Variants in NTNG1 observed in about 807,000 individuals in gnomAD.
The protein encoded by NTNG1 is netrin-G1.
A neutral mutation model predicts 54.0 loss-of-function variants in NTNG1; 16 were observed. That is an observed-to-expected ratio of 0.30 (90% CI 0.20 to 0.45). The LOEUF is 0.45. NTNG1 is among the 20% of genes least tolerant of loss of function. The pLI, the probability that NTNG1 is intolerant of heterozygous loss-of-function variation, is 1.00. For missense variants in NTNG1, 530 were observed against 678.7 expected (o/e 0.78, Z 2.43); for synonymous variants, 255 against 263.1 (o/e 0.97, Z 0.30).
chr1:107,220,638 C>A (rs1205453850), intron 2 of NTNG1, among the ~76,000 whole-genome samples: 2 of 152,190 alleles, frequency 1.3e-5, no homozygotes, highest in Non-Finnish European at 2.9e-5. Context: ...CTCTGTCAGC[C>A]TCAGTTTCCT....
chr1:107,432,384 T>C (rs557494990), intron 6 of NTNG1, among the ~76,000 whole-genome samples: 1 of 152,354 alleles, frequency 6.6e-6, no homozygotes, highest in Admixed American at 6.5e-5. Context: ...AAAGGGTTTC[T>C]GACTTCAAAG....
chr1:107,403,423 A>C (rs1673173657), intron 4 of NTNG1, among the ~76,000 whole-genome samples: 1 of 152,036 alleles, frequency 6.6e-6, no homozygotes, highest in Admixed American at 6.6e-5. Context: ...AAACTCATGC[A>C]CTGGGGCTGA....
rs1661760044 is a variant in NTNG1 at position 107,240,572 on chromosome 1, A to G, written c.247-83710A>G. The stretch of plus-strand genomic sequence containing the variant: ...TGCTGCAGCAGTCATTTGATGTTGT[A>G]ATATCAGTTTTGCCAAAAAATGTGC... On this transcript the variant is annotated intron_variant, in intron 2 of 7. Transcript: ENST00000370068. Among the ~76,000 whole-genome samples, 2 of 152,270 alleles carry G rather than the reference A, an allele frequency of 1.3e-5. 1 individual carries two copies. Among genetic ancestry groups the G allele is most frequent in the African/African-American group, 4.8e-5 (2 of 41,564 alleles).
intron 2 of NTNG1, among the ~76,000 whole-genome samples, chr1:107,160,162 G>T (rs1019217851): frequency 3.3e-5 from 5 of 152,094 alleles, no homozygotes; most frequent in Non-Finnish European, 5.9e-5. Context: ...CTAGTAGGCA[G>T]TTTAAACTTA....
intron 2 of NTNG1, among the ~76,000 whole-genome samples, chr1:107,171,998 C>T (rs1236345816): frequency 6.6e-6 from 1 of 151,586 alleles, no homozygotes; most frequent in Non-Finnish European, 1.5e-5. Context: ...GAAATGTTAA[C>T]TTACTTTTAG....
rs115049052 is a variant in NTNG1, at chr1:107,442,532, G to A, written c.1390+5733G>A. Reference sequence around the variant, plus strand: ...GTTGCAAATTTAGGCTAAATAATTTGCAAAAATGCAGATGGTATAAGGCTG... The same window carrying A: ...GTTGCAAATTTAGGCTAAATAATTTACAAAAATGCAGATGGTATAAGGCTG... On this transcript the variant is annotated intron_variant, in intron 7 of 7. Coordinates refer to ENST00000370068, the MANE Select transcript of NTNG1 (RefSeq NM_001113226.3). Among the ~76,000 whole-genome samples, 661 of 152,216 alleles carry A rather than the reference G, an allele frequency of 4.3e-3. 9 individuals carry two copies. Among genetic ancestry groups the A allele is most frequent in the African/African-American group, 0.015 (634 of 41,540 alleles).
intron 2 of NTNG1, among the ~76,000 whole-genome samples, chr1:107,266,403 A>T (rs1048074830): frequency 6.6e-6 from 1 of 152,150 alleles, no homozygotes; most frequent in Non-Finnish European, 1.5e-5. Flanking sequence ...TGATTCAGGC[A>T]TGTCTTACAT....
At chr1:107,406,432 T>C (rs1445826997) in intron 4 of NTNG1, among the ~76,000 whole-genome samples, 1 of 152,136 alleles carries the variant, frequency 6.6e-6, no homozygotes, top group African/African-American at 2.4e-5. Flanking sequence ...TTTTTATGGA[T>C]TATCTCATTC....
At chr1:107,420,893 C>T (rs1042669465) in intron 5 of NTNG1, among the ~76,000 whole-genome samples, 2 of 151,970 alleles carry the variant, frequency 1.3e-5, no homozygotes, top group South Asian at 2.1e-4. Flanking sequence ...AATTGTATTA[C>T]TGACAATGTT....
intron 2 of NTNG1, among the ~76,000 whole-genome samples, chr1:107,316,754 C>T (rs565729782): frequency 1.6e-4 from 24 of 152,298 alleles, no homozygotes; most frequent in African/African-American, 5.1e-4. Flanking sequence ...ATTTGAGAAA[C>T]AGGTGATTGT....
In NTNG1 at chr1:107,472,728, T is replaced by G. The variant is rs187524985; in HGVS notation, c.1391-7883T>G. Among the ~76,000 whole-genome samples, 411 of 152,244 alleles carry G rather than the reference T, an allele frequency of 2.7e-3. 3 individuals are homozygous for G. Among genetic ancestry groups the G allele is most frequent in the African/African-American group, 9.3e-3 (387 of 41,558 alleles). ...AAGGTCGGGGAAGAAAAAAGGTTTT[T>G]TTTTGTTTTGTTTTGTTTTTTTGTG... On this transcript the variant is annotated intron_variant, in intron 7 of 7. Transcript: ENST00000370068.
At chr1:107,480,588 C>CCA in intron 7 of NTNG1, 23 bp from the exon 8 acceptor site, 4 of 1,119,748 alleles carry the variant, frequency 3.6e-6, no homozygotes, top group Non-Finnish European at 5.2e-6. Flanking sequence ...CCACCCACCC[C>CCA]TACCTTCCCC....
rs139522819 is a variant in NTNG1 at position 107,279,742 on chromosome 1, C to T, written c.247-44540C>T. Reference sequence around the variant, plus strand: ...TTGGAATATAATTCTGGGTAGAAAACAGTATTTCCTTGGCATTTTTAAAGC... The same window carrying T: ...TTGGAATATAATTCTGGGTAGAAAATAGTATTTCCTTGGCATTTTTAAAGC... On this transcript the variant is annotated intron_variant, in intron 2 of 7. Coordinates refer to ENST00000370068, the MANE Select transcript of NTNG1 (RefSeq NM_001113226.3). Among the ~76,000 whole-genome samples, 7 of 152,210 alleles carry T rather than the reference C, an allele frequency of 4.6e-5. No homozygotes were observed. The East Asian group carries it at 1.2e-3, about 25-fold the overall frequency.
At chr1:107,229,670 T>C (rs1478635932) in intron 2 of NTNG1, among the ~76,000 whole-genome samples, 1 of 152,046 alleles carries the variant, frequency 6.6e-6, no homozygotes, top group Non-Finnish European at 1.5e-5. Context: ...TTATCTTCCC[T>C]TCTCTCACTT....
chr1:107,341,993 G>T (rs1224565308), intron 3 of NTNG1, among the ~76,000 whole-genome samples: 6 of 151,844 alleles, frequency 4.0e-5, no homozygotes, highest in Non-Finnish European at 7.4e-5. Flanking sequence ...CATTAGAGTG[G>T]ACAATTTACT....
At chr1:107,370,711 T>A (rs1670870182) in intron 3 of NTNG1, among the ~76,000 whole-genome samples, 2 of 152,074 alleles carry the variant, frequency 1.3e-5, no homozygotes, top group Non-Finnish European at 2.9e-5. Context: ...CAATATTGAG[T>A]CTTCTGGCCC....
At position 107,297,356 on chromosome 1, in the gene NTNG1, A is replaced by G. The variant is rs142917715; in HGVS notation, c.247-26926A>G. Among the ~76,000 whole-genome samples the G allele has an allele frequency of 1.7e-3, 256 of 151,696 alleles. 1 individual carries two copies. Among genetic ancestry groups the G allele is most frequent in the East Asian group, 0.013 (65 of 5,178 alleles). ...AATTGAAAAGATAAAGAAAAAACAG[A>G]GGCAGTGGTGATAGAAGACACAAAA... On this transcript the variant is annotated intron_variant, in intron 2 of 7. Coordinates refer to ENST00000370068, the MANE Select transcript of NTNG1 (RefSeq NM_001113226.3).
intron 2 of NTNG1, among the ~76,000 whole-genome samples, chr1:107,190,202 A>C (rs931029208): frequency 6.6e-6 from 1 of 152,060 alleles, no homozygotes; most frequent in Non-Finnish European, 1.5e-5. Flanking sequence ...ACAGAGTTTC[A>C]GTTTGGGAAA....
intron 2 of NTNG1, among the ~76,000 whole-genome samples, chr1:107,297,070 T>C (rs2101787164): frequency 6.9e-6 from 1 of 145,576 alleles, no homozygotes; most frequent in South Asian, 2.2e-4. Context: ...GTACTCTGGT[T>C]ATCTTTACAG....
Sources: allele counts gnomAD v4.1 joint callset (sites outside exome capture counted in the v4.1 genomes callset), GRCh38; gene constraint gnomAD v4.1.1; transcripts MANE v1.5; gene names NCBI Gene and HGNC (gene_info 2026-07-23, HGNC 2026-07-21).